EDAR: variants seen among roughly 807,000 people sequenced by gnomAD.
EDAR encodes ectodysplasin A receptor.
A neutral mutation model predicts 51.3 loss-of-function variants in EDAR; 38 were observed. The ratio of observed to expected loss-of-function variants is 0.74; its 90% CI spans 0.57 to 0.97. The LOEUF (loss-of-function observed/expected upper bound fraction) is 0.97. Among genes scored for constraint, EDAR ranks in the 50% least tolerant of loss-of-function variants. EDAR has a pLI of 0.00. For synonymous variants in EDAR, 227 were observed against 242.1 expected (o/e 0.94, Z 0.58); for missense variants, 528 against 595.0 (o/e 0.89, Z 1.17).
rs750450058 is a variant in EDAR, at chr2:108,895,682, CACTA to C, written c.*1221_*1224del. The C allele has an allele frequency of 7.9e-5, 12 of 152,336 alleles. No individual in the cohort carries two copies. In the South Asian group the frequency reaches 8.3e-4, roughly 11 times the overall value. 9.4% of individuals were successfully genotyped at this position (152,336 alleles called of 1,614,324 possible). ...ACCCTACCTGCCCCAATTATAGAAT[CACTA>C]ACTAACATCTCATTGGCAGACGAGA... On this transcript the variant is annotated 3_prime_UTR_variant, in exon 12 of 12. Transcript: ENST00000258443.
chr2:108,928,533 T>C (rs1697301023), intron 4 of EDAR, among the ~76,000 whole-genome samples: 1 of 152,178 alleles, frequency 6.6e-6, no homozygotes, highest in South Asian at 2.1e-4. Flanking sequence ...CCACCACTGC[T>C]TTTATCTTTA....
At chr2:108,910,180 G>T (rs1228974336) in intron 9 of EDAR, among the ~76,000 whole-genome samples, 1 of 152,236 alleles carries the variant, frequency 6.6e-6, no homozygotes, top group African/African-American at 2.4e-5. Flanking sequence ...TGGAGAAGGG[G>T]CATGAGGAAT....
At chr2:108,974,457 C>T (rs183650106) in intron 1 of EDAR, among the ~76,000 whole-genome samples, 29 of 149,978 alleles carry the variant, frequency 1.9e-4, no homozygotes, top group Non-Finnish European at 3.8e-4. Context: ...CATGACTGGG[C>T]ATGGTGGCTC....
intron 2 of EDAR, 116 bp downstream of exon 2, chr2:108,930,848 C>G: frequency 8.7e-7 from 1 of 1,151,356 alleles, no homozygotes; most frequent in Non-Finnish European, 1.3e-6. Flanking sequence ...TCAGAAGAAC[C>G]CTGTGGAGGA....
chr2:108,959,522 G>C (rs1183301864), intron 1 of EDAR, among the ~76,000 whole-genome samples: 1 of 152,184 alleles, frequency 6.6e-6, no homozygotes, highest in Non-Finnish European at 1.5e-5. Context: ...TAAAACCTGT[G>C]CCAAGATGAC....
intron 5 of EDAR, among the ~76,000 whole-genome samples, chr2:108,920,374 C>A (rs1029773697): frequency 9.2e-5 from 14 of 152,340 alleles, no homozygotes; most frequent in African/African-American, 3.4e-4. Flanking sequence ...TACGGCAGGG[C>A]AACGGGTTGA....
chr2:108,985,712 G>A (rs1190311477), intron 1 of EDAR, among the ~76,000 whole-genome samples: 1 of 152,158 alleles, frequency 6.6e-6, no homozygotes, highest in Non-Finnish European at 1.5e-5. Flanking sequence ...GAAATAACAG[G>A]TGTCTCTGCC....
intron 6 of EDAR, among the ~76,000 whole-genome samples, chr2:108,912,393 G>C (rs542316100): frequency 6.6e-5 from 10 of 152,286 alleles, no homozygotes; most frequent in African/African-American, 1.9e-4. Flanking sequence ...CTCTCCTCCT[G>C]GCCGGGCTTG....
chr2:108,959,162 G>T (rs1399710837), intron 1 of EDAR, among the ~76,000 whole-genome samples: 1 of 152,230 alleles, frequency 6.6e-6, no homozygotes, highest in Non-Finnish European at 1.5e-5. Flanking sequence ...GTGTATATGG[G>T]GCATGCTGGT....
chr2:108,900,753 G>A (rs1194147610), intron 11 of EDAR, among the ~76,000 whole-genome samples: 1 of 152,180 alleles, frequency 6.6e-6, no homozygotes, highest in Non-Finnish European at 1.5e-5. Context: ...CAAGAAGGCA[G>A]AGTGGCTATA....
chr2:108,925,634 C>G (rs1697239244), intron 4 of EDAR, among the ~76,000 whole-genome samples: 1 of 151,488 alleles, frequency 6.6e-6, no homozygotes, highest in African/African-American at 2.4e-5. Context: ...TTTTTTTTCC[C>G]CCTGAAACAG....
chr2:108,935,625 T>G (rs574683385), intron 1 of EDAR, among the ~76,000 whole-genome samples: 1 of 152,260 alleles, frequency 6.6e-6, no homozygotes, highest in East Asian at 1.9e-4. Context: ...AAAGAACAAA[T>G]GCCGTCATTA....
intron 6 of EDAR, among the ~76,000 whole-genome samples, chr2:108,912,421 C>T (rs1302751331): frequency 2.0e-5 from 3 of 152,308 alleles, no homozygotes; most frequent in East Asian, 3.9e-4. Context: ...CTGTGCTGTC[C>T]ACCTGCCGCT....
At chr2:108,902,381 C>CA (rs1696716938) in intron 11 of EDAR, among the ~76,000 whole-genome samples, 1 of 151,794 alleles carries the variant, frequency 6.6e-6, no homozygotes, top group Admixed American at 6.6e-5. Flanking sequence ...ATCTCAAAAA[C>CA]AAAACAAAAC....
At chr2:108,929,990 G>A (rs1697332840) in intron 3 of EDAR, 130 bp downstream of exon 3, 8 of 1,147,126 alleles carry the variant, frequency 7.0e-6, no homozygotes, top group South Asian at 6.4e-5. Context: ...CAACGTCCAG[G>A]GAGCGTGACC....
At chr2:108,923,191 G>C (rs1262535794) in intron 5 of EDAR, among the ~76,000 whole-genome samples, 177 bp downstream of exon 5, 2 of 152,158 alleles carry the variant, frequency 1.3e-5, no homozygotes, top group Non-Finnish European at 2.9e-5. Context: ...CTCAGATGTG[G>C]CAAACATCCC....
chr2:108,922,983 CA>C (rs1285411636), intron 5 of EDAR, among the ~76,000 whole-genome samples: 1 of 152,198 alleles, frequency 6.6e-6, no homozygotes, highest in African/African-American at 2.4e-5. Context: ...TGTCACCTAG[CA>C]CTTTGTAGTA....
intron 1 of EDAR, among the ~76,000 whole-genome samples, chr2:108,948,858 G>A (rs1057406542): frequency 2.6e-5 from 4 of 152,092 alleles, no homozygotes; most frequent in Admixed American, 6.6e-5. Context: ...TGGCTCATGC[G>A]TATAATCCCA....
At chr2:108,936,140 G>C (rs1487096831) in intron 1 of EDAR, among the ~76,000 whole-genome samples, 3 of 152,244 alleles carry the variant, frequency 2.0e-5, no homozygotes, top group Admixed American at 6.5e-5. Context: ...GACTGTGACG[G>C]TGCTACCTCT....
Sources: allele counts gnomAD v4.1 joint callset (sites outside exome capture counted in the v4.1 genomes callset), GRCh38; gene constraint gnomAD v4.1.1; transcripts MANE v1.5; gene names NCBI Gene and HGNC (gene_info 2026-07-23, HGNC 2026-07-21).